The following CD226 variants were observed in gnomAD, a reference collection of about 807,000 sequenced individuals.
The protein encoded by CD226 is CD226 molecule, also known as CD226 antigen.
In CD226, 24 loss-of-function variants were observed where a neutral mutation model predicts 34.9. That is an observed-to-expected ratio of 0.69 (90% CI 0.50 to 0.97). CD226 has a LOEUF of 0.97. CD226 is among the 50% of genes least tolerant of loss of function. The probability of loss-of-function intolerance (pLI) is 0.00; values close to 1 mark genes in which losing one functional copy is unlikely to be tolerated. For synonymous variants in CD226, 148 were observed against 147.4 expected, an observed-to-expected ratio of 1.00 and a Z score of -0.03; for missense variants, 397 against 412.7, an observed-to-expected ratio of 0.96 and a Z score of 0.33.
intron 2 of CD226, among the ~76,000 whole-genome samples, chr18:69,926,275 C>T (rs1231440986): frequency 2.0e-5 from 3 of 151,986 alleles, no homozygotes; most frequent in South Asian, 2.1e-4. Flanking sequence ...TTACATCTCC[C>T]GCTTTGTATT....
chr18:69,910,303 C>T (rs1389880114), intron 2 of CD226, among the ~76,000 whole-genome samples: 2 of 152,282 alleles, frequency 1.3e-5, no homozygotes, highest in East Asian at 3.9e-4. Flanking sequence ...ACACCTTAAC[C>T]ACATGATGGA....
chr18:69,878,153 C>T (rs987232318), intron 3 of CD226, among the ~76,000 whole-genome samples: 2 of 152,158 alleles, frequency 1.3e-5, no homozygotes, highest in African/African-American at 4.8e-5. Context: ...AAGCCCTTTT[C>T]TTTAAAAAGG....
chr18:69,914,835 G>A (rs894578538), intron 2 of CD226, among the ~76,000 whole-genome samples: 5 of 152,094 alleles, frequency 3.3e-5, no homozygotes, highest in African/African-American at 7.2e-5. Flanking sequence ...GTCCTGACTC[G>A]CCTGAAAGTA....
Position 69,864,404 on chromosome 18 carries a change from A to G in CD226, c.921T>C (p.Ser307=). Residue 307 remains serine, a synonymous_variant, in exon 6 of 6, where the codon AGT becomes AGC. Transcript: ENST00000582621. ...CATCCATGGATTGATTGGTAGGTTG[A>G]CTGGTAGAGATGGGACTTCTATAGT... The part of the protein sequence containing the change: ...PNNYRSPIST[S]QPTNQSMDDT... 1 of 1,613,592 alleles carries G rather than the reference A, an allele frequency of 6.2e-7. No homozygotes were observed. The highest frequency in any genetic ancestry group is 8.5e-7 in the Non-Finnish European group (1 of 1,179,596).
intron 3 of CD226, among the ~76,000 whole-genome samples, chr18:69,875,397 C>G (rs1382492652): frequency 1.3e-5 from 2 of 152,202 alleles, no homozygotes; most frequent in East Asian, 3.8e-4. Context: ...CTTGGCCTCC[C>G]AAAGTGCTGG....
intron 3 of CD226, among the ~76,000 whole-genome samples, chr18:69,893,601 C>A (rs972163214): frequency 1.3e-5 from 2 of 152,138 alleles, no homozygotes; most frequent in South Asian, 4.1e-4. Flanking sequence ...TTTTCCTGAC[C>A]AGTTTCAAAA....
At chr18:69,919,560 A>G (rs554273899) in intron 2 of CD226, among the ~76,000 whole-genome samples, 4 of 152,352 alleles carry the variant, frequency 2.6e-5, no homozygotes, top group African/African-American at 9.6e-5. Context: ...AACTGAAGGC[A>G]AGGAGATTAC....
At chr18:69,917,467 A>G (rs1393178841) in intron 2 of CD226, among the ~76,000 whole-genome samples, 1 of 152,012 alleles carries the variant, frequency 6.6e-6, no homozygotes, top group Non-Finnish European at 1.5e-5. Flanking sequence ...CTCCTCCTCA[A>G]GCTAGGTTAC....
intron 3 of CD226, among the ~76,000 whole-genome samples, chr18:69,890,794 A>G (rs962805428): frequency 2.6e-5 from 4 of 152,156 alleles, no homozygotes; most frequent in Non-Finnish European, 5.9e-5. Flanking sequence ...AGGTAGGTGG[A>G]TCAGTGGCCT....
upstream of CD226, among the ~76,000 whole-genome samples, chr18:69,952,423 T>C (rs927226542): frequency 2.0e-5 from 3 of 152,336 alleles, no homozygotes; most frequent in East Asian, 3.9e-4. Flanking sequence ...CCCTTGAATT[T>C]ATACAAATAA....
intron 2 of CD226, among the ~76,000 whole-genome samples, chr18:69,928,815 G>T (rs2055554662): frequency 6.6e-6 from 1 of 152,160 alleles, no homozygotes; most frequent in Admixed American, 6.5e-5. Context: ...TACACAGAGT[G>T]AAAGAGTAAG....
At chr18:69,948,472 C>T (rs113070754), upstream of CD226, among the ~76,000 whole-genome samples, 2 of 152,270 alleles carry the variant, frequency 1.3e-5, no homozygotes, top group African/African-American at 4.8e-5. Context: ...AATGCCGACC[C>T]TGAACTTTGT....
chr18:69,888,589 T>C (rs1984703021), intron 3 of CD226, among the ~76,000 whole-genome samples: 1 of 152,066 alleles, frequency 6.6e-6, no homozygotes, highest in Non-Finnish European at 1.5e-5. Flanking sequence ...TCAGTACATT[T>C]GTCTGAATGT....
At chr18:69,901,386 A>G (rs942571775) in intron 2 of CD226, among the ~76,000 whole-genome samples, 20 of 152,182 alleles carry the variant, frequency 1.3e-4, no homozygotes, top group Non-Finnish European at 2.6e-4. Flanking sequence ...TCAGGCTAAA[A>G]TATTTATTGA....
intron 2 of CD226, among the ~76,000 whole-genome samples, chr18:69,933,423 C>T (rs545880591): frequency 6.6e-6 from 1 of 152,282 alleles, no homozygotes; most frequent in East Asian, 1.9e-4. Context: ...CCTCTTCCTG[C>T]CAGCCCTTGT....
Position 69,857,357 on chromosome 18 carries a change from G to A in CD226, c.*6957C>T, listed in dbSNP as rs1982642438. ...CATTATACGATAAAAATAAAGTGTG[G>A]GATAAATCAGCTCAACTGAAGCCAC... On this transcript the variant is annotated 3_prime_UTR_variant, in exon 6 of 6. Transcript: ENST00000582621. 1 of 152,066 alleles carries A rather than the reference G, an allele frequency of 6.6e-6. No individual in the cohort carries two copies. 9.4% of individuals were successfully genotyped at this position (152,066 alleles called of 1,614,324 possible).
rs540777403 is a variant in CD226, at chr18:69,854,461, A to G, written c.*9853T>C. 6.6e-6 allele frequency: 1 copy of G among 152,384 alleles called. No individual in the cohort carries two copies. The highest frequency in any genetic ancestry group is 2.1e-4 in the South Asian group (1 of 4,834). The allele number at this position is 152,384 out of a possible 1,614,324, so 9.4% of individuals were successfully genotyped here. A position where few individuals can be genotyped will look rare whatever the true frequency, so the allele number is the denominator to read the frequency against. ...TCCAGTAGGAAACTCCAAGGTTCTC[A>G]TTATGAGGATCCAAGAAAAATTTCC... On this transcript the variant is annotated 3_prime_UTR_variant, in exon 6 of 6. Coordinates refer to ENST00000582621, the MANE Select transcript of CD226 (RefSeq NM_001303618.2).
At chr18:69,955,793 G>A (rs1224467014) in intron 1 of CD226, among the ~76,000 whole-genome samples, 1 of 146,826 alleles carries the variant, frequency 6.8e-6, no homozygotes, top group Non-Finnish European at 1.5e-5. Flanking sequence ...AACCCAGGAG[G>A]CAGAGCTTGC....
chr18:69,937,810 T>C (rs951967143), intron 2 of CD226, among the ~76,000 whole-genome samples: 3 of 152,200 alleles, frequency 2.0e-5, no homozygotes, highest in Admixed American at 6.5e-5. Flanking sequence ...CCTCAACTAA[T>C]ATATAGGCCA....
Sources: allele counts gnomAD v4.1 joint callset (sites outside exome capture counted in the v4.1 genomes callset), GRCh38; gene constraint gnomAD v4.1.1; transcripts MANE v1.5; gene names NCBI Gene and HGNC (gene_info 2026-07-23, HGNC 2026-07-21).